Variants in SLC36A4 observed in about 807,000 individuals in gnomAD.
SLC36A4 encodes the protein neutral amino acid uniporter 4.
Under a neutral mutation model 50.5 loss-of-function variants are expected in SLC36A4, and 49 were observed. The observed-to-expected ratio is 0.97, with a 90% CI of 0.77 to 1.23. SLC36A4 has a LOEUF of 1.23. SLC36A4 is among the 50% of genes most tolerant of loss of function. SLC36A4 has a pLI of 0.00. For synonymous variants in SLC36A4, 207 were observed against 206.5 expected, an observed-to-expected ratio of 1.00 and a Z score of -0.02; for missense variants, 611 against 608.4, an observed-to-expected ratio of 1.00 and a Z score of -0.05.
At chr11:93,171,197 A>T (rs1425984435) in intron 6 of SLC36A4, 1 of 151,646 alleles carries the variant, frequency 6.6e-6, no homozygotes, top group Admixed American at 6.6e-5. Context: ...CATTCTCCTT[A>T]CCTCCAGAGA....
rs1859813344 is a variant in SLC36A4 at position 93,144,574 on chromosome 11, G to C, written c.*3963C>G. ...TTTAATATGAAATTTTAAGAATCAA[G>C]AGTGATTTGCTATTTCACTTATCAT... On this transcript the variant is annotated 3_prime_UTR_variant, in exon 11 of 11. Coordinates refer to ENST00000326402, the MANE Select transcript of SLC36A4 (RefSeq NM_152313.4). 6.6e-6 allele frequency: 1 copy of C among 151,996 alleles called. No homozygotes were observed. Among genetic ancestry groups the C allele is most frequent in the Non-Finnish European group, 1.5e-5 (1 of 67,954 alleles). The allele number at this position is 151,996 out of a possible 1,614,324, so 9.4% of individuals were successfully genotyped here. A position where few individuals can be genotyped will look rare whatever the true frequency, so the allele number is the denominator to read the frequency against.
chr11:93,148,851 A>G lies in SLC36A4; in HGVS notation c.1208-7T>C, dbSNP rs1235025906. The G allele has an allele frequency of 6.3e-7, 1 of 1,594,322 alleles. No homozygotes were observed. The highest frequency in any genetic ancestry group is 8.5e-7 in the Non-Finnish European group (1 of 1,174,586). ...ATAAGAATTGCTCCGGCACCTAGAA[A>G]ATGAAAATACATTTATTTTTCTTAT... On this transcript the variant is annotated splice_polypyrimidine_tract_variant and splice_region_variant and intron_variant, in intron 10 of 10. Transcript: ENST00000326402.
chr11:93,155,941 G>A (rs550861064), intron 9 of SLC36A4, among the ~76,000 whole-genome samples: 3 of 152,142 alleles, frequency 2.0e-5, no homozygotes, highest in East Asian at 3.9e-4. Flanking sequence ...ATTCCATGAT[G>A]TATATGTACC....
chr11:93,166,789 G>A (rs1055288436), intron 7 of SLC36A4: 1 of 152,224 alleles, frequency 6.6e-6, no homozygotes, highest in African/African-American at 2.4e-5. Context: ...CAACTGAAGT[G>A]TGAAAGCTCT....
intron 3 of SLC36A4, among the ~76,000 whole-genome samples, chr11:93,184,067 C>CA (rs1565236167): frequency 6.6e-6 from 1 of 152,086 alleles, no homozygotes; most frequent in East Asian, 1.9e-4. Context: ...TACAATGTCA[C>CA]GTTACCAATA....
intron 1 of SLC36A4, among the ~76,000 whole-genome samples, chr11:93,186,548 G>C (rs1378621253): frequency 6.6e-6 from 1 of 151,940 alleles, no homozygotes; most frequent in Non-Finnish European, 1.5e-5. Context: ...TTGTTTGACT[G>C]TTTTAAGTGG....
chr11:93,194,295 T>C (rs78461877), intron 1 of SLC36A4, among the ~76,000 whole-genome samples: 6,018 of 152,182 alleles, frequency 0.04, 228 homozygotes, highest in African/African-American at 0.097. Context: ...TAAAAATCAC[T>C]TGTATTTTGG....
intron 10 of SLC36A4, among the ~76,000 whole-genome samples, chr11:93,151,498 A>C (rs1049712444): frequency 4.6e-5 from 7 of 152,064 alleles, no homozygotes; most frequent in Admixed American, 1.3e-4. Flanking sequence ...TGTGGAAAAT[A>C]ACTTAGCACA....
At chr11:93,159,493 T>C (rs750756867) in intron 9 of SLC36A4, among the ~76,000 whole-genome samples, 30 of 152,156 alleles carry the variant, frequency 2.0e-4, no homozygotes, top group Non-Finnish European at 3.8e-4. Flanking sequence ...ACTTTCCCTC[T>C]TGGATCCTTC....
chr11:93,176,185 C>T (rs1403170749), intron 6 of SLC36A4, among the ~76,000 whole-genome samples: 1 of 151,996 alleles, frequency 6.6e-6, no homozygotes, highest in African/African-American at 2.4e-5. Flanking sequence ...TTGAATTGAT[C>T]CATTTACCAC....
chr11:93,195,622 T>C (rs1207331346), intron 1 of SLC36A4, among the ~76,000 whole-genome samples: 1 of 152,220 alleles, frequency 6.6e-6, no homozygotes, highest in East Asian at 1.9e-4. Flanking sequence ...AACCCTGCAT[T>C]GTTCTCCCCT....
At chr11:93,174,091 C>A (rs1481492108) in intron 6 of SLC36A4, among the ~76,000 whole-genome samples, 1 of 151,024 alleles carries the variant, frequency 6.6e-6, no homozygotes, top group African/African-American at 2.4e-5. Flanking sequence ...ATGGAATGTT[C>A]TTCCATTTGT....
intron 6 of SLC36A4, among the ~76,000 whole-genome samples, chr11:93,168,422 G>A (rs1173571976): frequency 6.6e-6 from 1 of 151,916 alleles, no homozygotes; most frequent in Non-Finnish European, 1.5e-5. Flanking sequence ...TAAATATAAA[G>A]TTCATTAGAA....
At chr11:93,168,284 A>G (rs1860976540) in intron 6 of SLC36A4, 113 bp from the exon 7 acceptor site, 2 of 494,442 alleles carry the variant, frequency 4.0e-6, no homozygotes, top group Non-Finnish European at 7.1e-6. Context: ...ATAAATTCCT[A>G]TGATATATTT....
chr11:93,148,907 CAGTA>C, intron 10 of SLC36A4, 63 bp from the exon 11 acceptor site: 1 of 1,377,810 alleles, frequency 7.3e-7, no homozygotes, highest in Admixed American at 2.2e-5. Flanking sequence ...TGAATATTAA[CAGTA>C]AGTATTTTCA....
At chr11:93,178,616 A>T (rs1049654412) in intron 6 of SLC36A4, among the ~76,000 whole-genome samples, 2 of 152,182 alleles carry the variant, frequency 1.3e-5, no homozygotes, top group African/African-American at 4.8e-5. Flanking sequence ...CTGTTGGTGT[A>T]TAAGAGCTAC....
chr11:93,164,055 A>C (rs1400748273), intron 8 of SLC36A4, among the ~76,000 whole-genome samples: 1 of 152,094 alleles, frequency 6.6e-6, no homozygotes, highest in East Asian at 1.9e-4. Context: ...TCTCCAAAGA[A>C]CTTTGATTCT....
intron 8 of SLC36A4, 42 bp downstream of exon 8, chr11:93,165,876 A>G: frequency 7.8e-7 from 1 of 1,276,646 alleles, no homozygotes. Context: ...CATTGTGCTG[A>G]ATTAAGATTT....
chr11:93,168,938 CTACT>C (rs1861008614), intron 6 of SLC36A4, among the ~76,000 whole-genome samples: 1 of 152,044 alleles, frequency 6.6e-6, no homozygotes, highest in Non-Finnish European at 1.5e-5. Context: ...TCACATAACA[CTACT>C]TACTAAAATA....
Sources: gnomAD v4.1 joint callset for allele counts (sites outside exome capture counted in the v4.1 genomes callset) on GRCh38, gnomAD v4.1.1 for gene constraint, MANE v1.5 for transcripts, NCBI Gene and HGNC (gene_info 2026-07-23, HGNC 2026-07-21) for gene names.